APBB2: variants seen among roughly 807,000 people sequenced by gnomAD.
APBB2 encodes amyloid beta precursor protein binding family B member 2.
A neutral mutation model predicts 82.5 loss-of-function variants in APBB2; 38 were observed. That is an observed-to-expected ratio of 0.46 (90% CI 0.36 to 0.60). The LOEUF is 0.60. Ranked by LOEUF, APBB2 falls within the 20% of genes least tolerant of loss-of-function variation. The pLI, the probability that APBB2 is intolerant of heterozygous loss-of-function variation, is 0.00. For missense variants in APBB2, 772 were observed against 972.3 expected, an observed-to-expected ratio of 0.79 and a Z score of 2.74; for synonymous variants, 341 against 368.2, an observed-to-expected ratio of 0.93 and a Z score of 0.85.
In APBB2 at chr4:40,810,677, T is replaced by G. The variant is rs1386741742; in HGVS notation, c.*5415A>C. On this transcript the variant is annotated 3_prime_UTR_variant, in exon 18 of 18. Coordinates refer to ENST00000508593, the MANE Select transcript of APBB2 (RefSeq NM_004307.2). ...TGTATTTTAAATCCCTGAAGAAGAA[T>G]TCTTCATGTTATCACTCTTGTACAG... The G allele has an allele frequency of 2.0e-5, 3 of 151,716 alleles. No homozygotes were observed. The highest frequency in any genetic ancestry group is 4.8e-5 in the African/African-American group (2 of 41,326). The allele number at this position is 151,716 out of a possible 1,614,324, so 9.4% of individuals were successfully genotyped here.
intron 12 of APBB2, among the ~76,000 whole-genome samples, chr4:40,873,905 A>G (rs1056969900): frequency 6.6e-6 from 1 of 152,200 alleles, no homozygotes; most frequent in African/African-American, 2.4e-5. Context: ...AAAAATCTGT[A>G]TTTTATACAC....
At chr4:40,858,124 C>CA (rs1761868917) in intron 12 of APBB2, among the ~76,000 whole-genome samples, 1 of 152,056 alleles carries the variant, frequency 6.6e-6, no homozygotes, top group Non-Finnish European at 1.5e-5. Context: ...CCCCTCCCCC[C>CA]ATATACATGG....
chr4:41,047,017 T>C (rs1445241274), intron 4 of APBB2, among the ~76,000 whole-genome samples: 1 of 152,214 alleles, frequency 6.6e-6, no homozygotes, highest in Non-Finnish European at 1.5e-5. Flanking sequence ...TGAGAACAGT[T>C]GAGATAAAGA....
rs915072103 is a variant in APBB2 at position 41,112,342 on chromosome 4, C to T, written c.-260-11592G>A. On this transcript the variant is annotated intron_variant, in intron 2 of 17. Coordinates refer to ENST00000508593, the MANE Select transcript of APBB2 (RefSeq NM_004307.2). ...CATTTCACTCCCACTGCAATGCCTG[C>T]AACAATTCCAGGGACTTGCTTGGCC... Among the ~76,000 whole-genome samples, 6 of 152,310 alleles carry T rather than the reference C, an allele frequency of 3.9e-5. No individual in the cohort carries two copies. The East Asian group carries it at 1.2e-3, about 29-fold the overall frequency.
intron 1 of APBB2, among the ~76,000 whole-genome samples, chr4:41,198,617 C>T: frequency 6.6e-5 from 10 of 152,112 alleles, no homozygotes; most frequent in African/African-American, 1.9e-4. Flanking sequence ...AAACGCAGGC[C>T]GACTGACTCC....
intron 17 of APBB2, among the ~76,000 whole-genome samples, chr4:40,819,176 C>CTTTTTTTTTT (rs1188181954): frequency 1.5e-5 from 2 of 135,214 alleles, no homozygotes; most frequent in Non-Finnish European, 1.5e-5. Flanking sequence ...CCTTGGCTCT[C>CTTTTTTTTTT]TTTTTTTTTT....
At chr4:41,063,325 C>T (rs1333627930) in intron 4 of APBB2, among the ~76,000 whole-genome samples, 1 of 152,148 alleles carries the variant, frequency 6.6e-6, no homozygotes, top group Non-Finnish European at 1.5e-5. Context: ...ATATAAAAAC[C>T]ACCCTCAGCT....
In APBB2 at chr4:41,184,225, C is replaced by T. The variant is rs530887676; in HGVS notation, c.-417+30180G>A. ...GCTTCATTCGCTGGCCTGCCACTCT[C>T]CTCTTGCTGTGTGGCCCAGTTGCTA... On this transcript the variant is annotated intron_variant, in intron 1 of 17. Coordinates refer to ENST00000508593, the MANE Select transcript of APBB2 (RefSeq NM_004307.2). 2.6e-5 allele frequency among the ~76,000 whole-genome samples: 4 copies of T among 152,274 alleles called. No individual in the cohort carries two copies. In the East Asian group the frequency reaches 7.7e-4, roughly 29 times the overall value.
intron 5 of APBB2, among the ~76,000 whole-genome samples, chr4:41,026,783 T>C (rs1714425736): frequency 6.6e-6 from 1 of 152,272 alleles, no homozygotes; most frequent in South Asian, 2.1e-4. Flanking sequence ...TTAACACTCA[T>C]ATACAAGTTT....
chr4:40,915,450 C>A (rs954889382), intron 10 of APBB2, among the ~76,000 whole-genome samples: 17 of 152,164 alleles, frequency 1.1e-4, no homozygotes, highest in African/African-American at 3.9e-4. Flanking sequence ...AGAGCCTGAT[C>A]CTAGTGAGTG....
intron 6 of APBB2, among the ~76,000 whole-genome samples, chr4:41,002,837 A>G (rs1156663910): frequency 5.9e-5 from 9 of 152,236 alleles, no homozygotes; most frequent in Admixed American, 2.6e-4. Flanking sequence ...TTATGGCATC[A>G]TATTGCCTTT....
intron 3 of APBB2, among the ~76,000 whole-genome samples, 170 bp from the exon 4 acceptor site, chr4:41,065,843 G>A (rs956273185): frequency 2.0e-5 from 3 of 150,162 alleles, no homozygotes; most frequent in Admixed American, 6.7e-5. Context: ...CCCTGTCACC[G>A]CAGGCAGGCC....
chr4:41,035,503 T>A (rs550616522), intron 4 of APBB2, among the ~76,000 whole-genome samples: 1 of 152,326 alleles, frequency 6.6e-6, no homozygotes, highest in Admixed American at 6.5e-5. Flanking sequence ...CCATTTTCCT[T>A]TTCTTACATT....
At chr4:40,859,165 A>C (rs544597978) in intron 12 of APBB2, among the ~76,000 whole-genome samples, 1 of 152,146 alleles carries the variant, frequency 6.6e-6, no homozygotes, top group African/African-American at 2.4e-5. Flanking sequence ...TGCTGGCAGG[A>C]AGTCATGTGT....
chr4:41,049,672 G>C (rs1725212960), intron 4 of APBB2, among the ~76,000 whole-genome samples: 2 of 152,212 alleles, frequency 1.3e-5, no homozygotes, highest in South Asian at 4.1e-4. Flanking sequence ...GATGACGATG[G>C]CGGTTTTGTC....
At chr4:40,876,267 T>C (rs1766884020) in intron 12 of APBB2, among the ~76,000 whole-genome samples, 3 of 152,236 alleles carry the variant, frequency 2.0e-5, no homozygotes, top group Admixed American at 2.0e-4. Context: ...TGATAAGTTT[T>C]GACAATATGT....
intron 10 of APBB2, among the ~76,000 whole-genome samples, chr4:40,905,066 C>T (rs1776347408): frequency 6.6e-6 from 1 of 152,290 alleles, no homozygotes; most frequent in African/African-American, 2.4e-5. Context: ...AAAAGCTCCC[C>T]TGATGTTAAC....
intron 4 of APBB2, among the ~76,000 whole-genome samples, chr4:41,053,011 C>T (rs1286317189): frequency 3.9e-5 from 6 of 152,120 alleles, no homozygotes; most frequent in East Asian, 3.9e-4. Context: ...CTGATCCACC[C>T]GCCTTGGCCT....
At chr4:40,936,056 T>C (rs1785298759) in intron 7 of APBB2, among the ~76,000 whole-genome samples, 1 of 152,226 alleles carries the variant, frequency 6.6e-6, no homozygotes, top group Non-Finnish European at 1.5e-5. Context: ...ACTGACTGGT[T>C]AGGCAAATCT....
Sources: allele counts gnomAD v4.1 joint callset (sites outside exome capture counted in the v4.1 genomes callset), GRCh38; gene constraint gnomAD v4.1.1; transcripts MANE v1.5; gene names NCBI Gene and HGNC (gene_info 2026-07-23, HGNC 2026-07-21).